TMEM178A: variants seen among roughly 807,000 people sequenced by gnomAD.
TMEM178A encodes the protein transmembrane protein 178.
Under a neutral mutation model 29.1 loss-of-function variants are expected in TMEM178A, and 12 were observed. The ratio of observed to expected loss-of-function variants is 0.41; its 90% CI spans 0.26 to 0.67. The LOEUF (loss-of-function observed/expected upper bound fraction) is 0.67, where lower values mean the gene tolerates loss of function less well. Among genes scored for constraint, TMEM178A ranks in the 30% least tolerant of loss-of-function variants. The pLI is 0.29. For missense variants in TMEM178A, 366 were observed against 419.1 expected (o/e 0.87, Z 1.11); for synonymous variants, 210 against 187.2 (o/e 1.12, Z -0.99).
chr2:39,725,858 G>A, the TMEM178A span, among the ~76,000 whole-genome samples: 2 of 152,014 alleles, frequency 1.3e-5, no homozygotes, highest in Non-Finnish European at 2.9e-5. Flanking sequence ...CTAGGGCCTC[G>A]GCAAAAATAG....
chr2:39,700,519 T>A (rs1671735805), intron 1 of TMEM178A, among the ~76,000 whole-genome samples: 1 of 152,124 alleles, frequency 6.6e-6, no homozygotes, highest in Admixed American at 6.5e-5. Flanking sequence ...TTTCATGGTA[T>A]ATCTTTTTCC....
chr2:39,676,795 T>C (rs1197914940), intron 1 of TMEM178A, among the ~76,000 whole-genome samples: 1 of 152,154 alleles, frequency 6.6e-6, no homozygotes, highest in Non-Finnish European at 1.5e-5. Flanking sequence ...CATTCCATAG[T>C]AGGAGAAGAC....
Position 39,665,935 on chromosome 2 carries a change from G to A in TMEM178A, c.-40G>A. The A allele has an allele frequency of 1.5e-6, 2 of 1,348,280 alleles. No homozygotes were observed. Among genetic ancestry groups the A allele is most frequent in the Non-Finnish European group, 1.9e-6 (2 of 1,054,688 alleles). 83.5% of individuals were successfully genotyped at this position (1,348,280 alleles called of 1,614,324 possible). On this transcript the variant is annotated 5_prime_UTR_variant, in exon 1 of 4. Transcript: ENST00000281961. ...GCCAAGTGCATTGTGTCTGGCGGCG[G>A]CGCGCGAGCCCACCGGCGGCTGCGG... is the stretch of plus-strand genomic sequence containing the variant.
intron 3 of TMEM178A, among the ~76,000 whole-genome samples, chr2:39,711,387 G>A (rs1458293320): frequency 6.6e-6 from 1 of 152,180 alleles, no homozygotes; most frequent in Non-Finnish European, 1.5e-5. Flanking sequence ...AGGATTTTTA[G>A]TATTTTTTAA....
At chr2:39,715,922 G>A (rs1385977998) in intron 3 of TMEM178A, among the ~76,000 whole-genome samples, 1 of 152,172 alleles carries the variant, frequency 6.6e-6, no homozygotes, top group Non-Finnish European at 1.5e-5. Flanking sequence ...GAATGGGTTG[G>A]AGAGGTAATC....
At position 39,665,953 on chromosome 2, in the gene TMEM178A, G is replaced by A; in HGVS notation, c.-22G>A. On this transcript the variant is annotated 5_prime_UTR_variant, in exon 1 of 4. Coordinates refer to ENST00000281961, the MANE Select transcript of TMEM178A (RefSeq NM_152390.3). Reference sequence around the variant, plus strand: ...GGCGGCGGCGCGCGAGCCCACCGGCGGCTGCGGCGGGGCGGGAAGCCATGG... The same window carrying A: ...GGCGGCGGCGCGCGAGCCCACCGGCAGCTGCGGCGGGGCGGGAAGCCATGG... 2 of 1,342,958 alleles carry A rather than the reference G, an allele frequency of 1.5e-6. No individual in the cohort carries two copies. The highest frequency in any genetic ancestry group is 1.9e-6 in the Non-Finnish European group (2 of 1,049,390). 83.2% of individuals were successfully genotyped at this position (1,342,958 alleles called of 1,614,324 possible).
intron 1 of TMEM178A, among the ~76,000 whole-genome samples, chr2:39,686,963 ATGTGTGTGTGTGTGTGTGTGTG>A (rs4015737): frequency 3.6e-4 from 43 of 120,258 alleles, no homozygotes; most frequent in East Asian, 5.1e-4. Context: ...GCACATATGC[ATGTGTGTGTGTGTGTGTGTGTG>A]TGTGTGTGTG....
intron 1 of TMEM178A, among the ~76,000 whole-genome samples, chr2:39,680,771 A>G (rs1259223013): frequency 6.6e-6 from 1 of 152,230 alleles, no homozygotes; most frequent in African/African-American, 2.4e-5. Context: ...TTGTTTCAAC[A>G]GGAAAAACAT....
downstream of TMEM178A, among the ~76,000 whole-genome samples, chr2:39,719,038 C>A (rs1039940944): frequency 2.0e-4 from 31 of 152,038 alleles, no homozygotes; most frequent in Admixed American, 2.0e-3. Context: ...ATGTAAGGGC[C>A]GAAAGGGGTT....
At position 39,717,248 on chromosome 2, in the gene TMEM178A, A is replaced by G. The variant is rs772092835; in HGVS notation, c.891A>G (p.Val297=). 32 of 1,613,430 alleles carry G rather than the reference A, an allele frequency of 2.0e-5. No individual in the cohort carries two copies. Among genetic ancestry groups the G allele is most frequent in the African/African-American group, 2.7e-5 (2 of 74,742 alleles). Residue 297 remains valine, a synonymous_variant, in exon 4 of 4, where the codon GTA becomes GTG. Transcript: ENST00000281961. ...TAAAGTCTGGCAGAGACTCCACGGT[A>G]TGACTGTCCTCACTGGGCCTGTCCA... is the stretch of plus-strand genomic sequence containing the variant. The part of the protein sequence containing the change: ...AQLKSGRDST[V]
intron 1 of TMEM178A, among the ~76,000 whole-genome samples, chr2:39,702,338 G>A (rs947842295): frequency 6.6e-6 from 1 of 152,060 alleles, no homozygotes; most frequent in African/African-American, 2.4e-5. Context: ...TTCTTAGCCT[G>A]CTAAAACCAA....
the TMEM178A span, among the ~76,000 whole-genome samples, chr2:39,731,357 T>A: frequency 3.6e-4 from 55 of 152,326 alleles, 1 homozygote; most frequent in South Asian, 0.011. Context: ...ATTGAGCCCA[T>A]GATTCTGCGG....
downstream of TMEM178A, among the ~76,000 whole-genome samples, chr2:39,722,935 C>T (rs545220099): frequency 2.0e-5 from 3 of 152,212 alleles, no homozygotes; most frequent in South Asian, 6.2e-4. Flanking sequence ...TAAATTCCCT[C>T]AATATCTGGC....
downstream of TMEM178A, among the ~76,000 whole-genome samples, chr2:39,722,354 GT>G (rs1325284382): frequency 6.6e-6 from 1 of 152,142 alleles, no homozygotes; most frequent in African/African-American, 2.4e-5. Context: ...AAACTGCTAA[GT>G]TTTATGGTTA....
At chr2:39,674,491 C>G (rs1670531791) in intron 1 of TMEM178A, among the ~76,000 whole-genome samples, 1 of 152,068 alleles carries the variant, frequency 6.6e-6, no homozygotes, top group African/African-American at 2.4e-5. Flanking sequence ...AAGAATGATA[C>G]AATAGACTTT....
chr2:39,705,151 C>T (rs953887458), intron 2 of TMEM178A, among the ~76,000 whole-genome samples: 2 of 152,178 alleles, frequency 1.3e-5, no homozygotes, highest in African/African-American at 4.8e-5. Context: ...GAAAAAGAAC[C>T]TTAGCTCTTT....
chr2:39,682,366 G>A (rs1670903044), intron 1 of TMEM178A, among the ~76,000 whole-genome samples: 2 of 151,674 alleles, frequency 1.3e-5, no homozygotes, highest in Non-Finnish European at 2.9e-5. Context: ...AAAACTAAAT[G>A]ATGCAGTTTA....
chr2:39,676,995 C>T (rs1670657159), intron 1 of TMEM178A, among the ~76,000 whole-genome samples: 1 of 152,138 alleles, frequency 6.6e-6, no homozygotes, highest in Non-Finnish European at 1.5e-5. Context: ...TTTATAATTG[C>T]ACTTTTAAAA....
intron 1 of TMEM178A, among the ~76,000 whole-genome samples, chr2:39,699,448 A>T (rs1417186430): frequency 6.6e-6 from 1 of 151,188 alleles, no homozygotes; most frequent in Non-Finnish European, 1.5e-5. Flanking sequence ...TACTGATTTG[A>T]GATCTTTCTG....
Sources: gnomAD v4.1 joint callset for allele counts (sites outside exome capture counted in the v4.1 genomes callset) on GRCh38, gnomAD v4.1.1 for gene constraint, MANE v1.5 for transcripts, NCBI Gene and HGNC (gene_info 2026-07-23, HGNC 2026-07-21) for gene names.